Variants in ARHGAP5 observed in about 807,000 individuals in gnomAD.
ARHGAP5 encodes the protein rho GTPase-activating protein 5.
In ARHGAP5, 23 loss-of-function variants were observed where a neutral mutation model predicts 116.6. The observed-to-expected ratio is 0.20, with a 90% CI of 0.14 to 0.28. The LOEUF (loss-of-function observed/expected upper bound fraction) is 0.28. Ranked by LOEUF, ARHGAP5 falls within the 10% of genes least tolerant of loss-of-function variation. The probability of loss-of-function intolerance (pLI) is 1.00; values close to 1 mark genes in which losing one functional copy is unlikely to be tolerated. For missense variants in ARHGAP5, 1,405 were observed against 1,774.8 expected (o/e 0.79, Z 3.74); for synonymous variants, 574 against 602.0 (o/e 0.95, Z 0.68).
intron 2 of ARHGAP5, among the ~76,000 whole-genome samples, chr14:32,111,998 T>C (rs1376569383): frequency 1.3e-5 from 2 of 152,096 alleles, no homozygotes; most frequent in African/African-American, 2.4e-5. Context: ...TTTGTATTTT[T>C]AGTAGAGGTG....
At chr14:32,116,760 AACTC>A (rs1879622038) in intron 2 of ARHGAP5, among the ~76,000 whole-genome samples, 1 of 152,150 alleles carries the variant, frequency 6.6e-6, no homozygotes, top group African/African-American at 2.4e-5. Flanking sequence ...AGACACAGAA[AACTC>A]ACTCGGACCT....
At position 32,159,289 on chromosome 14, in the gene ARHGAP5, G is replaced by A. The variant is rs1366182356; in HGVS notation, c.*4341G>A. The stretch of plus-strand genomic sequence containing the variant: ...AATAATTGTAGTTGAGAAACAACTT[G>A]TTTATTCTCACAATTCAGATTTTCT... On this transcript the variant is annotated 3_prime_UTR_variant, in exon 7 of 7. Transcript: ENST00000345122. 6.6e-6 allele frequency: 1 copy of A among 152,046 alleles called. No individual in the cohort carries two copies. Among genetic ancestry groups the A allele is most frequent in the Non-Finnish European group, 1.5e-5 (1 of 67,960 alleles). 9.4% of individuals were successfully genotyped at this position (152,046 alleles called of 1,614,324 possible).
intron 2 of ARHGAP5, among the ~76,000 whole-genome samples, chr14:32,096,526 G>C (rs190383089): frequency 6.6e-6 from 1 of 152,254 alleles, no homozygotes; most frequent in East Asian, 1.9e-4. Context: ...CAGATTAAAA[G>C]ATAATAGAGA....
intron 2 of ARHGAP5, among the ~76,000 whole-genome samples, chr14:32,116,182 G>C (rs1301162208): frequency 3.4e-5 from 5 of 148,708 alleles, no homozygotes; most frequent in Non-Finnish European, 6.0e-5. Flanking sequence ...AGCTACTCCG[G>C]AGGCTGAGGC....
chr14:32,155,180 C>T lies in ARHGAP5; in HGVS notation c.*232C>T, dbSNP rs1016453278. On this transcript the variant is annotated 3_prime_UTR_variant, in exon 7 of 7. Coordinates refer to ENST00000345122, the MANE Select transcript of ARHGAP5 (RefSeq NM_001030055.2). ...TATAAACAAAAATAGCTATAAAGTA[C>T]AAAGCTGCTGCTGCATGCAACCTTA... 22 of 461,296 alleles carry T rather than the reference C, an allele frequency of 4.8e-5. No homozygotes were observed. Among genetic ancestry groups the T allele is most frequent in the Non-Finnish European group, 7.3e-5 (19 of 260,054 alleles). The allele number at this position is 461,296 out of a possible 1,614,324, so 28.6% of individuals were successfully genotyped here.
chr14:32,077,607 C>G (rs934774612), intron 1 of ARHGAP5, among the ~76,000 whole-genome samples, 172 bp downstream of exon 1: 1 of 152,114 alleles, frequency 6.6e-6, no homozygotes, highest in Admixed American at 6.5e-5. Context: ...TTTCGCAGGC[C>G]GGGCGGGCAG....
chr14:32,152,273 G>A, intron 5 of ARHGAP5, 150 bp from the exon 6 acceptor site: 3 of 640,426 alleles, frequency 4.7e-6, no homozygotes, highest in Non-Finnish European at 5.3e-6. Context: ...GGGGACTGTT[G>A]CTTTAGAACA....
intron 1 of ARHGAP5, among the ~76,000 whole-genome samples, chr14:32,090,215 T>C (rs946125155): frequency 6.6e-6 from 1 of 151,944 alleles, no homozygotes; most frequent in Non-Finnish European, 1.5e-5. Flanking sequence ...TTCTTCAAAC[T>C]CATAGGAAGG....
chr14:32,116,561 C>G lies in ARHGAP5; in HGVS notation c.3718-579C>G, dbSNP rs555650881. Among the ~76,000 whole-genome samples the G allele has an allele frequency of 2.2e-3, 335 of 152,176 alleles. 1 individual carries two copies. The highest frequency in any genetic ancestry group is 7.3e-3 in the African/African-American group (305 of 41,504). ...TGAGCCGAGATCGCGTCACTCCACT[C>G]CAGTCTGGGCGACAGAGTGAGACTC... is the stretch of plus-strand genomic sequence containing the variant. On this transcript the variant is annotated intron_variant, in intron 2 of 6. Coordinates refer to ENST00000345122, the MANE Select transcript of ARHGAP5 (RefSeq NM_001030055.2).
intron 3 of ARHGAP5, among the ~76,000 whole-genome samples, chr14:32,138,437 C>G (rs1317834136): frequency 6.6e-6 from 1 of 152,172 alleles, no homozygotes; most frequent in Non-Finnish European, 1.5e-5. Flanking sequence ...GTGGGTGCCA[C>G]TGCACCTGGC....
At position 32,077,308 on chromosome 14, in the gene ARHGAP5, AAG is replaced by A; in HGVS notation, c.-291_-290del. 1.5e-6 allele frequency: 1 copy of A among 682,124 alleles called. No homozygotes were observed. The allele number at this position is 682,124 out of a possible 1,614,324, so 42.3% of individuals were successfully genotyped here. A position where few individuals can be genotyped will look rare whatever the true frequency, so the allele number is the denominator to read the frequency against. ...GCGCCGCTCGGTGAGCGCGCCGAGG[AAG>A]AGAGGCGAGCGGAGAGTGGAGGAGG... On this transcript the variant is annotated 5_prime_UTR_variant, in exon 1 of 7. Transcript: ENST00000345122.
At chr14:32,111,400 G>T (rs1004854274) in intron 2 of ARHGAP5, among the ~76,000 whole-genome samples, 1 of 152,222 alleles carries the variant, frequency 6.6e-6, no homozygotes, top group African/African-American at 2.4e-5. Context: ...TAGAAGTCCA[G>T]TGAAGAGACT....
chr14:32,133,639 G>C (rs1380634414), intron 3 of ARHGAP5, among the ~76,000 whole-genome samples: 1 of 152,170 alleles, frequency 6.6e-6, no homozygotes, highest in Non-Finnish European at 1.5e-5. Context: ...AGTGGTGAGA[G>C]AGGGCATCCC....
intron 3 of ARHGAP5, among the ~76,000 whole-genome samples, chr14:32,127,107 C>G (rs1880201235): frequency 6.6e-6 from 1 of 150,974 alleles, no homozygotes; most frequent in African/African-American, 2.4e-5. Context: ...AAGTGATTCT[C>G]CTGCCTCAGC....
chr14:32,090,581 T>G lies in ARHGAP5; in HGVS notation c.-89T>G, dbSNP rs186382575. On this transcript the variant is annotated 5_prime_UTR_variant, in exon 2 of 7. It adds an upstream start codon to the 5' untranslated region. Coordinates refer to ENST00000345122, the MANE Select transcript of ARHGAP5 (RefSeq NM_001030055.2). ...AAAGAACCAAATACAGTTCTGAAAT[T>G]TGGGATCTGTATTTTGAGATGATTT... 1 of 1,201,718 alleles carries G rather than the reference T, an allele frequency of 8.3e-7. No individual in the cohort carries two copies. Among genetic ancestry groups the G allele is most frequent in the Non-Finnish European group, 1.2e-6 (1 of 857,524 alleles). 74.4% of individuals were successfully genotyped at this position (1,201,718 alleles called of 1,614,324 possible).
At chr14:32,122,109 C>G (rs991696084) in intron 3 of ARHGAP5, among the ~76,000 whole-genome samples, 10 of 152,160 alleles carry the variant, frequency 6.6e-5, no homozygotes, top group Admixed American at 5.2e-4. Context: ...CTACCAGACT[C>G]TTTCAAAGAG....
At position 32,092,029 on chromosome 14, in the gene ARHGAP5, A is replaced by T. The variant is rs1215086252; in HGVS notation, c.1360A>T (p.Met454Leu). 1.2e-6 allele frequency: 2 copies of T among 1,613,758 alleles called. No individual in the cohort carries two copies. The highest frequency in any genetic ancestry group is 1.1e-5 in the South Asian group (1 of 91,056). Residue 454 changes from methionine (M) to leucine (L), a missense_variant, in exon 2 of 7, where the codon ATG becomes TTG. By Grantham distance (15) the Met-to-Leu change is conservative. Around this residue, in one of 6 missense-constraint regions of ARHGAP5, gnomAD observed 944 missense variants for 1,095.3 expected, o/e 0.86. Transcript: ENST00000345122. This position sits in a 1 kb window ranked among gnomAD's most constrained non-coding sequence, Gnocchi z 4.1. Reference protein sequence around the residue: ...ISPGQPWEEVMCFVMEDEAYK... With the variant: ...ISPGQPWEEVLCFVMEDEAYK... Reference sequence around the variant, plus strand: ...ACCAGGGCAGCCATGGGAGGAAGTTATGTGCTTTGTTATGGAGGATGAAGC... The same window carrying T: ...ACCAGGGCAGCCATGGGAGGAAGTTTTGTGCTTTGTTATGGAGGATGAAGC...
intron 2 of ARHGAP5, among the ~76,000 whole-genome samples, chr14:32,110,848 GA>G (rs1188906411): frequency 6.6e-6 from 1 of 152,116 alleles, no homozygotes; most frequent in Non-Finnish European, 1.5e-5. Context: ...GGGTATGAGA[GA>G]AAAAGGAGAT....
intron 3 of ARHGAP5, among the ~76,000 whole-genome samples, chr14:32,124,098 C>G (rs1401889896): frequency 6.6e-6 from 1 of 152,170 alleles, no homozygotes; most frequent in East Asian, 1.9e-4. Context: ...TCTGAACTCT[C>G]TTCTCTCTTC....
Sources: gnomAD v4.1 joint callset for allele counts (sites outside exome capture counted in the v4.1 genomes callset) on GRCh38, gnomAD v4.1.1 for gene constraint, gnomAD v4.1.1 regional missense constraint, Gnocchi (gnomAD v3.1) non-coding constraint, MANE v1.5 for transcripts, NCBI Gene and HGNC (gene_info 2026-07-23, HGNC 2026-07-21) for gene names.